E4F1: variants seen among roughly 807,000 people sequenced by gnomAD.
E4F1 encodes the protein transcription factor E4F1.
In E4F1, 30 loss-of-function variants were observed where a neutral mutation model predicts 72.9. The ratio of observed to expected loss-of-function variants is 0.41; its 90% CI spans 0.31 to 0.56. The LOEUF is 0.56. E4F1 is among the 20% of genes least tolerant of loss of function. The probability of loss-of-function intolerance (pLI) is 0.25; values close to 1 mark genes in which losing one functional copy is unlikely to be tolerated. For synonymous variants in E4F1, 542 were observed against 478.2 expected, an observed-to-expected ratio of 1.13 and a Z score of -1.74; for missense variants, 1,091 against 1,117.5, an observed-to-expected ratio of 0.98 and a Z score of 0.34.
At position 2,234,659 on chromosome 16, in the gene E4F1, G is replaced by C; in HGVS notation, c.1670G>C (p.Arg557Pro). Residue 557 changes from arginine (R) to proline (P), a missense_variant, in exon 11 of 14, where the codon CGA becomes CCA. Physicochemically the swap from Arg to Pro is moderately radical, Grantham distance 103. Around this residue, in one of 5 missense-constraint regions of E4F1, gnomAD observed 622 missense variants for 628.0 expected, o/e 0.99. Transcript: ENST00000301727. ...HVCQFCSRGFREKGSLVRHVR... is the reference protein window; with the variant it reads ...HVCQFCSRGFPEKGSLVRHVR... ...TGCCAGTTCTGCAGCCGTGGCTTCC[G>C]AGAGAAGGGCTCACTGGTGCGGCAC... The C allele has an allele frequency of 3.8e-6, 6 of 1,595,046 alleles. No homozygotes were observed. The highest frequency in any genetic ancestry group is 1.1e-5 in the South Asian group (1 of 88,396).
In E4F1 at chr16:2,234,612, C is replaced by T; in HGVS notation, c.1623C>T (p.His541=). 1.2e-6 allele frequency: 2 copies of T among 1,600,340 alleles called. No individual in the cohort carries two copies. Among genetic ancestry groups the T allele is most frequent in the Middle Eastern group, 3.8e-4 (2 of 5,266 alleles). ...KNAQQVHFRT[H]LEEKPHVCQF... ...CACAGCAGGTGCACTTCAGGACACA[C>T]CTGGAGGAGAAGCCGCACGTGTGCC... The change falls in exon 11 of 14, where the codon CAC becomes CAT. Residue 541 remains histidine, a synonymous_variant. Coordinates refer to ENST00000301727, the MANE Select transcript of E4F1 (RefSeq NM_004424.5).
At chr16:2,229,206 A>G (rs976268657) in intron 2 of E4F1, among the ~76,000 whole-genome samples, 6 of 152,066 alleles carry the variant, frequency 3.9e-5, no homozygotes, top group African/African-American at 1.4e-4. Flanking sequence ...CTCTCCTCAC[A>G]CCGCTCTGCC....
At position 2,232,902 on chromosome 16, in the gene E4F1, C is replaced by T. The variant is rs199627791; in HGVS notation, c.877C>T (p.Arg293Cys). The change falls in exon 6 of 14, where the codon CGT (arginine) becomes TGT (cysteine). Residue 293 changes from arginine (R) to cysteine (C), a missense_variant. Physicochemically the swap from Arg to Cys is radical, Grantham distance 180. Around this residue, in one of 5 missense-constraint regions of E4F1, gnomAD observed 101 missense variants for 97.4 expected, o/e 1.04. Coordinates refer to ENST00000301727, the MANE Select transcript of E4F1 (RefSeq NM_004424.5). ...CGTGGTTGTCAGCAAAGAGGACGCA[C>T]GTGCAGGTCAGCATGGTGCGGGCAG... ...KDVVVSKEDA[R>C]AGSGAGAAGL... 383 of 1,613,278 alleles carry T rather than the reference C, an allele frequency of 2.4e-4. 2 individuals are homozygous for T. In the South Asian group the frequency reaches 3.6e-3, roughly 15 times the overall value.
intron 1 of E4F1, among the ~76,000 whole-genome samples, chr16:2,225,475 C>CTT (rs34243234): frequency 7.3e-6 from 1 of 136,998 alleles, no homozygotes. Flanking sequence ...TCTCTATTTT[C>CTT]TTTTTTTTTT....
chr16:2,234,630 C>G lies in E4F1; in HGVS notation c.1641C>G (p.His547Gln). ...GGACACACCTGGAGGAGAAGCCGCACGTGTGCCAGTTCTGCAGCCGTGGCT... is the reference window on the plus strand; with the variant it reads ...GGACACACCTGGAGGAGAAGCCGCAGGTGTGCCAGTTCTGCAGCCGTGGCT... ...HFRTHLEEKPHVCQFCSRGFR... is the reference protein window; with the variant it reads ...HFRTHLEEKPQVCQFCSRGFR... The change falls in exon 11 of 14, where the codon CAC becomes CAG. Residue 547 changes from histidine to glutamine, a missense_variant. His to Gln is a conservative substitution (Grantham distance 24). Transcript: ENST00000301727. The G allele has an allele frequency of 6.2e-7, 1 of 1,601,414 alleles. No individual in the cohort carries two copies. The highest frequency in any genetic ancestry group is 8.5e-7 in the Non-Finnish European group (1 of 1,174,542).
Position 2,228,443 on chromosome 16 carries a change from A to G in E4F1, c.229A>G (p.Lys77Glu), listed in dbSNP as rs1361464345. 7 of 1,613,476 alleles carry G rather than the reference A, an allele frequency of 4.3e-6. No homozygotes were observed. The highest frequency in any genetic ancestry group is 5.9e-6 in the Non-Finnish European group (7 of 1,180,018). Residue 77 changes from lysine (K) to glutamate (E), a missense_variant, in exon 2 of 14, where the codon AAG becomes GAG. Lys to Glu is a moderately conservative substitution (Grantham distance 56, BLOSUM62 1). Around this residue, in one of 5 missense-constraint regions of E4F1, gnomAD observed 362 missense variants for 358.6 expected, o/e 1.01. Transcript: ENST00000301727. Reference protein sequence around the residue: ...FTALEDFVQHKIQKACQRAPP... With the variant: ...FTALEDFVQHEIQKACQRAPP... ...CGCCTTGGAGGATTTTGTTCAGCAC[A>G]AGATTCAGAAGGCCTGCCAGCGGGC... is the stretch of plus-strand genomic sequence containing the variant.
chr16:2,228,401 T>G lies in E4F1; in HGVS notation c.187T>G (p.Cys63Gly). 6.2e-7 allele frequency: 1 copy of G among 1,613,822 alleles called. No individual in the cohort carries two copies. Among genetic ancestry groups the G allele is most frequent in the Non-Finnish European group, 8.5e-7 (1 of 1,180,028 alleles). ...GGACGATGTGCACAGATGCGGCCGC[T>G]GCCAGGCAGAGTTCACCGCCTTGGA... is the stretch of plus-strand genomic sequence containing the variant. ...DEDDVHRCGRCQAEFTALEDF... is the reference protein window; with the variant it reads ...DEDDVHRCGRGQAEFTALEDF... The change falls in exon 2 of 14, where the codon TGC becomes GGC. Residue 63 changes from cysteine to glycine, a missense_variant. Transcript: ENST00000301727.
chr16:2,232,656 A>G lies in E4F1; in HGVS notation c.730+80A>G, dbSNP rs2093475251. The stretch of plus-strand genomic sequence containing the variant: ...GGGGTGCCCCAGCCTCGCATTCCCC[A>G]GCTTTGGGGGATGAGGCGGGGGCCC... On this transcript the variant is annotated intron_variant, in intron 5 of 13. Coordinates refer to ENST00000301727, the MANE Select transcript of E4F1 (RefSeq NM_004424.5). 10 of 1,604,064 alleles carry G rather than the reference A, an allele frequency of 6.2e-6. No individual in the cohort carries two copies. In the Admixed American group the frequency reaches 1.5e-4, roughly 24 times the overall value.
At position 2,228,587 on chromosome 16, in the gene E4F1, C is replaced by A. The variant is rs568128325; in HGVS notation, c.309+64C>A. On this transcript the variant is annotated intron_variant, in intron 2 of 13. Transcript: ENST00000301727. The stretch of plus-strand genomic sequence containing the variant: ...ACCTGACAGGTGGGGGAGGTGGCCG[C>A]GCTTCAGGATGGACCTGTGCAGCCG... 8.3e-6 allele frequency: 13 copies of A among 1,566,414 alleles called. No individual in the cohort carries two copies. In the South Asian group the frequency reaches 1.3e-4, roughly 15 times the overall value.
rs539965441 is a variant in E4F1, at chr16:2,233,255, A to G, written c.1056+72A>G. On this transcript the variant is annotated intron_variant, in intron 7 of 13. Transcript: ENST00000301727. ...CTCGGTGCCAGTCTTTGTTCTGGGC[A>G]CTGGCTCCAGGGGTCTGAGCCAGGC... The G allele has an allele frequency of 5.4e-5, 82 of 1,527,252 alleles. No homozygotes were observed. In the African/African-American group the frequency reaches 9.8e-4, roughly 18 times the overall value. 94.6% of individuals were successfully genotyped at this position (1,527,252 alleles called of 1,614,324 possible). A position where few individuals can be genotyped will look rare whatever the true frequency, so the allele number is the denominator to read the frequency against.
In E4F1 at chr16:2,229,690, A is replaced by C. The variant is rs367749621; in HGVS notation, c.415+15A>C. 3 of 1,611,868 alleles carry C rather than the reference A, an allele frequency of 1.9e-6. No individual in the cohort carries two copies. The African/African-American group carries it at 4.0e-5, about 22-fold the overall frequency. ...TGACCTTGTTGGTAAGCCGACTTCC[A>C]TGAATCGCTGGCCTGATAGACCTTC... On this transcript the variant is annotated intron_variant, in intron 3 of 13. Coordinates refer to ENST00000301727, the MANE Select transcript of E4F1 (RefSeq NM_004424.5).
At chr16:2,225,795 A>G (rs2093428102) in intron 1 of E4F1, among the ~76,000 whole-genome samples, 2 of 144,774 alleles carry the variant, frequency 1.4e-5, no homozygotes, top group Non-Finnish European at 3.0e-5. Context: ...GTTTAGGAAA[A>G]AAAAAAAAAA....
chr16:2,225,851 T>A (rs550065657), intron 1 of E4F1, among the ~76,000 whole-genome samples: 1,538 of 148,490 alleles, frequency 0.01, 12 homozygotes, highest in Non-Finnish European at 0.016. Context: ...ATCCCAGCAC[T>A]TTGGGAGGCT....
intron 1 of E4F1, among the ~76,000 whole-genome samples, chr16:2,225,686 G>A (rs536442670): frequency 2.7e-5 from 4 of 150,870 alleles, no homozygotes; most frequent in East Asian, 4.0e-4. Flanking sequence ...TGGCCAGGCT[G>A]GTCTTGAACT....
chr16:2,228,809 G>C (rs1336291199), intron 2 of E4F1, among the ~76,000 whole-genome samples: 1 of 152,200 alleles, frequency 6.6e-6, no homozygotes, highest in Non-Finnish European at 1.5e-5. Context: ...GTCTCCTTTG[G>C]CTCTGGGGTA....
chr16:2,234,658 C>G lies in E4F1; in HGVS notation c.1669C>G (p.Arg557Gly), dbSNP rs748169224. 2.5e-6 allele frequency: 4 copies of G among 1,595,634 alleles called. No individual in the cohort carries two copies. The highest frequency in any genetic ancestry group is 3.4e-6 in the Non-Finnish European group (4 of 1,171,124). ...HVCQFCSRGF[R>G]EKGSLVRHVR... ...GTGCCAGTTCTGCAGCCGTGGCTTC[C>G]GAGAGAAGGGCTCACTGGTGCGGCA... The change falls in exon 11 of 14, where the codon CGA becomes GGA. Residue 557 changes from arginine to glycine, a missense_variant. Transcript: ENST00000301727.
rs756166762 is a variant in E4F1 at position 2,234,755 on chromosome 16, C to T, written c.1766C>T (p.Thr589Met). ...KCGRGFAEHG[T>M]LNRHLRTKGG... is the part of the protein sequence containing the mutation. ...GGCCGTGGCTTCGCCGAGCACGGCA[C>T]GCTGAACCGGCACCTGCGCACCAAA... The change falls in exon 11 of 14, where the codon ACG becomes ATG. Residue 589 changes from threonine to methionine, a missense_variant. By Grantham distance (81) the Thr-to-Met change is moderately conservative. Around this residue, in one of 5 missense-constraint regions of E4F1, gnomAD observed 622 missense variants for 628.0 expected, o/e 0.99. Coordinates refer to ENST00000301727, the MANE Select transcript of E4F1 (RefSeq NM_004424.5). 11 of 1,548,778 alleles carry T rather than the reference C, an allele frequency of 7.1e-6. No individual in the cohort carries two copies. Among genetic ancestry groups the T allele is most frequent in the African/African-American group, 1.4e-5 (1 of 72,862 alleles).
intron 2 of E4F1, among the ~76,000 whole-genome samples, 200 bp from the exon 3 acceptor site, chr16:2,229,370 T>G (rs313910): frequency 0.088 from 13,297 of 151,780 alleles, 1,860 homozygotes; most frequent in African/African-American, 0.3. Context: ...GGCCCGGGGG[T>G]GAAGGGATTG....
chr16:2,235,166 G>A, intron 13 of E4F1, 23 bp downstream of exon 13: 1 of 1,611,232 alleles, frequency 6.2e-7, no homozygotes, highest in Non-Finnish European at 8.5e-7. Context: ...GCAGGCGGGG[G>A]CGGGGAGGCT....
Sources: allele counts gnomAD v4.1 joint callset (sites outside exome capture counted in the v4.1 genomes callset), GRCh38; gene constraint gnomAD v4.1.1; regional missense constraint gnomAD v4.1.1; transcripts MANE v1.5; gene names NCBI Gene and HGNC (gene_info 2026-07-23, HGNC 2026-07-21).